The following AK7 variants were observed in gnomAD, a reference collection of about 807,000 sequenced individuals.
The protein encoded by AK7 is adenylate kinase 7.
Under a neutral mutation model 96.6 loss-of-function variants are expected in AK7, and 78 were observed. The observed-to-expected ratio is 0.81, with a 90% CI of 0.67 to 0.97. The LOEUF (loss-of-function observed/expected upper bound fraction) is 0.97. AK7 is among the 50% of genes least tolerant of loss of function. The pLI is 0.00. For missense variants in AK7, 855 were observed against 887.9 expected (o/e 0.96, Z 0.47); for synonymous variants, 302 against 317.2 (o/e 0.95, Z 0.51).
intron 5 of AK7, among the ~76,000 whole-genome samples, 168 bp downstream of exon 5, chr14:96,421,100 C>A (rs1008397630): frequency 2.6e-5 from 4 of 152,272 alleles, no homozygotes; most frequent in African/African-American, 9.6e-5. Context: ...GGGTTGAAAG[C>A]CCTGCATCAC....
chr14:96,434,418 GTCTGTCTCTC>G (rs1566782222), intron 5 of AK7, among the ~76,000 whole-genome samples: 1 of 106,806 alleles, frequency 9.4e-6, no homozygotes, highest in African/African-American at 4.1e-5. Context: ...CTCTCTGTCT[GTCTGTCTCTC>G]TCTCTCTCTC....
intron 12 of AK7, among the ~76,000 whole-genome samples, chr14:96,462,145 G>C (rs1019959874): frequency 2.6e-5 from 4 of 152,166 alleles, no homozygotes; most frequent in Non-Finnish European, 4.4e-5. Flanking sequence ...CCTCTGTCAG[G>C]AGAGATGTAA....
intron 2 of AK7, among the ~76,000 whole-genome samples, chr14:96,403,178 T>A (rs1890518694): frequency 6.6e-6 from 1 of 151,782 alleles, no homozygotes; most frequent in African/African-American, 2.4e-5. Flanking sequence ...AGTGGTCTTA[T>A]CATCCAATAT....
chr14:96,480,333 G>A (rs1895442013), intron 15 of AK7, among the ~76,000 whole-genome samples: 1 of 151,944 alleles, frequency 6.6e-6, no homozygotes, highest in Admixed American at 6.6e-5. Context: ...CCAGGAGGCT[G>A]AGGCAGGAGA....
chr14:96,437,758 T>A (rs1401022926), intron 5 of AK7, 77 bp from the exon 6 acceptor site: 1 of 1,114,022 alleles, frequency 9.0e-7, no homozygotes, highest in Non-Finnish European at 1.3e-6. Flanking sequence ...GTGCTCATTT[T>A]AACTACTAAA....
intron 10 of AK7, among the ~76,000 whole-genome samples, chr14:96,453,550 A>G (rs1893726300): frequency 6.6e-6 from 1 of 152,202 alleles, no homozygotes. Flanking sequence ...AGGAAAAGTC[A>G]TTGCTGCTTC....
chr14:96,473,167 A>C (rs1276768495), intron 14 of AK7, among the ~76,000 whole-genome samples: 1 of 140,396 alleles, frequency 7.1e-6, no homozygotes, highest in East Asian at 2.0e-4. Context: ...CACCATGCCC[A>C]GCTAATTTTT....
chr14:96,472,772 A>T lies in AK7; in HGVS notation c.1555+17A>T. On this transcript the variant is annotated intron_variant, in intron 14 of 17. Coordinates refer to ENST00000267584, the MANE Select transcript of AK7 (RefSeq NM_152327.5). ...TTATACCTGGTAAGTTTATTTCCCT[A>T]AGATCACATTTAAAAGAATGTTCTC... The T allele has an allele frequency of 1.9e-6, 3 of 1,594,740 alleles. No individual in the cohort carries two copies. The highest frequency in any genetic ancestry group is 2.6e-6 in the Non-Finnish European group (3 of 1,163,196).
chr14:96,430,209 G>A lies in AK7; in HGVS notation c.610-7626G>A, dbSNP rs1475563056. Reference sequence around the variant, plus strand: ...TTTTTTTTTTTTTTTTTTTTGAGACGGAGTCTCACTCTGTCACCCAGGCTG... The same window carrying A: ...TTTTTTTTTTTTTTTTTTTTGAGACAGAGTCTCACTCTGTCACCCAGGCTG... On this transcript the variant is annotated intron_variant, in intron 5 of 17. Transcript: ENST00000267584. Among the ~76,000 whole-genome samples the A allele has an allele frequency of 1.0e-4, 14 of 137,992 alleles. No individual in the cohort carries two copies. The East Asian group carries it at 1.3e-3, about 13-fold the overall frequency. The allele number at this position is 137,992 out of a possible 152,430, so 90.5% of individuals were successfully genotyped here.
At chr14:96,402,862 G>T (rs1890494091) in intron 2 of AK7, among the ~76,000 whole-genome samples, 1 of 152,022 alleles carries the variant, frequency 6.6e-6, no homozygotes, top group African/African-American at 2.4e-5. Flanking sequence ...AGGCGCAGTA[G>T]CTCACGCCTG....
chr14:96,486,034 T>A (rs1193294554), intron 16 of AK7, among the ~76,000 whole-genome samples: 1 of 152,166 alleles, frequency 6.6e-6, no homozygotes, highest in Non-Finnish European at 1.5e-5. Context: ...TCCACCCGCC[T>A]CGGCCTCCCA....
chr14:96,463,994 G>A (rs1178506332), intron 12 of AK7, among the ~76,000 whole-genome samples: 1 of 152,028 alleles, frequency 6.6e-6, no homozygotes, highest in Admixed American at 6.6e-5. Context: ...CCTTTCTAGG[G>A]GGTCTCATCC....
At position 96,413,929 on chromosome 14, in the gene AK7, A is replaced by G. The variant is rs377712325; in HGVS notation, c.498+4988A>G. ...TCTAGAGAAGGGAGATTCTATTCCC[A>G]TTCCAGGGGAAAATCCTGATTGATC... On this transcript the variant is annotated intron_variant, in intron 4 of 17. Transcript: ENST00000267584. 1.1e-4 allele frequency among the ~76,000 whole-genome samples: 17 copies of G among 152,330 alleles called. No homozygotes were observed. The East Asian group carries it at 2.9e-3, about 26-fold the overall frequency.
chr14:96,466,516 G>A (rs1017277196), intron 12 of AK7, among the ~76,000 whole-genome samples: 2 of 152,082 alleles, frequency 1.3e-5, no homozygotes, highest in Non-Finnish European at 2.9e-5. Flanking sequence ...GGGATTACAG[G>A]TGTGAGCCAC....
At chr14:96,471,862 A>T (rs1370060592) in intron 13 of AK7, among the ~76,000 whole-genome samples, 3 of 151,680 alleles carry the variant, frequency 2.0e-5, no homozygotes, top group Admixed American at 6.6e-5. Flanking sequence ...TTAACACGAG[A>T]TCTGCCCTCG....
chr14:96,435,281 AG>A (rs1192825913), intron 5 of AK7, among the ~76,000 whole-genome samples: 1 of 152,140 alleles, frequency 6.6e-6, no homozygotes, highest in African/African-American at 2.4e-5. Flanking sequence ...CTGGTTATTC[AG>A]GGCCCAAGGG....
intron 3 of AK7, among the ~76,000 whole-genome samples, chr14:96,408,105 A>C (rs58118443): frequency 0.055 from 8,335 of 152,302 alleles, 807 homozygotes; most frequent in African/African-American, 0.19. Context: ...TCTCCACTAC[A>C]GCCCACAGCC....
chr14:96,487,151 GA>G, intron 17 of AK7, 95 bp downstream of exon 17: 1 of 1,318,308 alleles, frequency 7.6e-7, no homozygotes, highest in Non-Finnish European at 1.1e-6. Context: ...AAGGTCAGGG[GA>G]TCACTTGTGG....
rs1259654739 is a variant in AK7, at chr14:96,398,160, T to C, written c.191T>C (p.Leu64Pro). 4 of 1,614,178 alleles carry C rather than the reference T, an allele frequency of 2.5e-6. No homozygotes were observed. The highest frequency in any genetic ancestry group is 1.7e-5 in the Admixed American group (1 of 60,026). Residue 64 changes from leucine to proline, a missense_variant, in exon 2 of 18, where the codon CTG becomes CCG. Leu to Pro is a moderately conservative substitution (Grantham distance 98, BLOSUM62 -3). Coordinates refer to ENST00000267584, the MANE Select transcript of AK7 (RefSeq NM_152327.5). ...EEEDENKSAM[L>P]EASSTKVKEG... ...GAAGATGAAAATAAGTCAGCTATGCTGGAAGCTTCCTCAACCAAAGTGAAG... is the reference window on the plus strand; with the variant it reads ...GAAGATGAAAATAAGTCAGCTATGCCGGAAGCTTCCTCAACCAAAGTGAAG...
Sources: gnomAD v4.1 joint callset for allele counts (sites outside exome capture counted in the v4.1 genomes callset) on GRCh38, gnomAD v4.1.1 for gene constraint, MANE v1.5 for transcripts, NCBI Gene and HGNC (gene_info 2026-07-23, HGNC 2026-07-21) for gene names.